Variants in CFAP65 observed in about 807,000 individuals in gnomAD.
CFAP65 encodes cilia and flagella associated protein 65.
Under a neutral mutation model 208.0 loss-of-function variants are expected in CFAP65, and 155 were observed. The ratio of observed to expected loss-of-function variants is 0.75; its 90% CI spans 0.65 to 0.85. The LOEUF (loss-of-function observed/expected upper bound fraction) is 0.85, where lower values mean the gene tolerates loss of function less well. Among genes scored for constraint, CFAP65 ranks in the 40% least tolerant of loss-of-function variants. CFAP65 has a pLI of 0.00. For missense variants in CFAP65, 2,294 were observed against 2,451.3 expected, an observed-to-expected ratio of 0.94 and a Z score of 1.36; for synonymous variants, 970 against 986.3, an observed-to-expected ratio of 0.98 and a Z score of 0.31.
chr2:219,026,203 C>A, intron 13 of CFAP65, 44 bp from the exon 14 acceptor site: 1 of 1,589,110 alleles, frequency 6.3e-7, no homozygotes, highest in South Asian at 1.1e-5. Flanking sequence ...AGTCCTGTGT[C>A]TGCCCTGTGG....
At chr2:219,008,998 G>T in intron 29 of CFAP65, 49 bp downstream of exon 29, 1 of 1,509,664 alleles carries the variant, frequency 6.6e-7, no homozygotes, top group Non-Finnish European at 9.2e-7. Context: ...CCTCTGGTAA[G>T]GCCAGTCAGA....
chr2:219,035,403 T>A (rs1948296299), intron 5 of CFAP65, 77 bp downstream of exon 5: 4 of 1,613,170 alleles, frequency 2.5e-6, no homozygotes, highest in African/African-American at 2.7e-5. Flanking sequence ...TTTTGTTTGT[T>A]TTGTTTTGTT....
chr2:219,038,946 T>C lies in CFAP65; in HGVS notation c.103A>G (p.Arg35Gly), dbSNP rs1456404289. The C allele has an allele frequency of 2.5e-6, 4 of 1,613,698 alleles. No individual in the cohort carries two copies. The African/African-American group carries it at 5.3e-5, about 22-fold the overall frequency. ...SSFPLIPLLL[R>G]GKSVQKKQAE... ...TGTTTCTTCTGAACACTCTTGCCTC[T>C]TAGGAGAAGAGGAATAAGGGGGAAA... The change falls in exon 3 of 35, where the codon AGA becomes GGA. Residue 35 changes from arginine to glycine, a missense_variant. Arg to Gly is a moderately radical substitution (Grantham distance 125). Transcript: ENST00000341552.
chr2:219,014,686 G>A (rs1475239689), intron 21 of CFAP65: 1 of 152,484 alleles, frequency 6.6e-6, no homozygotes, highest in Admixed American at 6.5e-5. Flanking sequence ...TGCAAACCGG[G>A]TGGAGGATAC....
At chr2:219,037,151 G>A (rs1405299552) in intron 4 of CFAP65, among the ~76,000 whole-genome samples, 1 of 152,146 alleles carries the variant, frequency 6.6e-6, no homozygotes, top group East Asian at 1.9e-4. Flanking sequence ...CAGCATTTTG[G>A]GAGGCTGAGG....
chr2:219,010,903 G>A lies in CFAP65; in HGVS notation c.4051C>T (p.Pro1351Ser). The A allele has an allele frequency of 6.2e-7, 1 of 1,613,876 alleles. No individual in the cohort carries two copies. The highest frequency in any genetic ancestry group is 8.5e-7 in the Non-Finnish European group (1 of 1,180,010). Residue 1351 changes from proline (P) to serine (S), a missense_variant, in exon 25 of 35, where the codon CCC becomes TCC. By Grantham distance (74) the Pro-to-Ser change is moderately conservative. Transcript: ENST00000341552. ...SQVQEKNFDH[P>S]IFCCLNPKGE... is the part of the protein sequence containing the mutation. ...TTGGGGTTGAGGCAGCAAAAGATGG[G>A]GTGATCAAAATTTTTTTCCTGAACC...
rs1948484082 is a variant in CFAP65, at chr2:219,038,359, C to T, written c.357+16G>A. The T allele has an allele frequency of 3.1e-6, 5 of 1,610,722 alleles. No homozygotes were observed. The African/African-American group carries it at 4.0e-5, about 13-fold the overall frequency. ...CCTGCCACACCCTGCTCTGCCTGCC[C>T]TGGCTGTATCCTTACCTGGGCGCTG... On this transcript the variant is annotated intron_variant, in intron 4 of 34. Transcript: ENST00000341552.
intron 30 of CFAP65, 41 bp from the exon 31 acceptor site, chr2:219,006,264 C>T: frequency 6.3e-7 from 1 of 1,575,772 alleles, no homozygotes; most frequent in African/African-American, 1.3e-5. Flanking sequence ...GGTTTGGGCA[C>T]CACATTCACA....
chr2:219,021,498 T>TGTGAGGTA (rs1947260270), intron 18 of CFAP65, among the ~76,000 whole-genome samples: 1 of 152,170 alleles, frequency 6.6e-6, no homozygotes, highest in Admixed American at 6.5e-5. Flanking sequence ...CTAGCAGCCC[T>TGTGAGGTA]GTGAGGTAGG....
In CFAP65 at chr2:219,027,802, C is replaced by A; in HGVS notation, c.2059G>T (p.Val687Phe). ...GGGCAGTCAGACCTTCGCGTCCAGA[C>A]CACCATGATCTTGCCCTTGGTGTGG... is the stretch of plus-strand genomic sequence containing the variant. Reference protein sequence around the residue: ...MNHTKGKIMVVWTRRSDCPFW... With the variant: ...MNHTKGKIMVFWTRRSDCPFW... The change falls in exon 13 of 35, where the codon GTC becomes TTC. Residue 687 changes from valine (V) to phenylalanine (F), a missense_variant. Around this residue, in one of 2 missense-constraint regions of CFAP65, gnomAD observed 867 missense variants for 1,012.6 expected, o/e 0.86. Transcript: ENST00000341552. The A allele has an allele frequency of 6.2e-7, 1 of 1,611,884 alleles. No homozygotes were observed. Among genetic ancestry groups the A allele is most frequent in the Non-Finnish European group, 8.5e-7 (1 of 1,178,408 alleles).
intron 2 of CFAP65, among the ~76,000 whole-genome samples, chr2:219,040,228 G>C (rs1037454945): frequency 6.6e-6 from 1 of 152,042 alleles, no homozygotes; most frequent in Non-Finnish European, 1.5e-5. Flanking sequence ...CCTTTTTCAA[G>C]TTTGTCGTTT....
chr2:219,013,597 C>G lies in CFAP65; in HGVS notation c.3780-12G>C. On this transcript the variant is annotated splice_polypyrimidine_tract_variant and intron_variant, in intron 22 of 34. Coordinates refer to ENST00000341552, the MANE Select transcript of CFAP65 (RefSeq NM_194302.4). The stretch of plus-strand genomic sequence containing the variant: ...CGATGAACAGGTGGCTAGAAAGAAA[C>G]AGATAAGTCTGGGAGTGAGTTCTGG... 1 of 1,592,778 alleles carries G rather than the reference C, an allele frequency of 6.3e-7. No individual in the cohort carries two copies. The highest frequency in any genetic ancestry group is 8.5e-7 in the Non-Finnish European group (1 of 1,171,094).
In CFAP65 at chr2:219,032,197, A is replaced by G. The variant is rs1466844345; in HGVS notation, c.645+273T>C. 6.6e-6 allele frequency among the ~76,000 whole-genome samples: 1 copy of G among 152,174 alleles called. No individual in the cohort carries two copies. The highest frequency in any genetic ancestry group is 1.5e-5 in the Non-Finnish European group (1 of 68,018). On this transcript the variant is annotated intron_variant, in intron 6 of 34. Coordinates refer to ENST00000341552, the MANE Select transcript of CFAP65 (RefSeq NM_194302.4). The surrounding 1 kb of genome is among the most constrained non-coding windows in gnomAD (Gnocchi z 5.5). ...CGGCCTCCCAAAGTGCTGAGATTCC[A>G]GAAGTCAGTCACCGTCCCCGGCCAC...
rs573150630 is a variant in CFAP65 at position 219,024,424 on chromosome 2, C to G, written c.2350-164G>C. Among the ~76,000 whole-genome samples, 7 of 134,618 alleles carry G rather than the reference C, an allele frequency of 5.2e-5. No homozygotes were observed. In the East Asian group the frequency reaches 1.5e-3, roughly 29 times the overall value. 88.3% of individuals were successfully genotyped at this position (134,618 alleles called of 152,430 possible). On this transcript the variant is annotated intron_variant, in intron 14 of 34. Transcript: ENST00000341552. ...GGGAACGGGGAATTGAAGGAGGCCA[C>G]GAGCTGACACCAAAGAATGCTTTTG...
At chr2:219,013,826 T>C (rs1400951663) in intron 22 of CFAP65, 42 bp downstream of exon 22, 17 of 1,534,838 alleles carry the variant, frequency 1.1e-5, no homozygotes, top group Non-Finnish European at 1.3e-5. Context: ...GGTAGGGGCC[T>C]CTATGACTGG....
chr2:219,022,658 C>T (rs1947345841), intron 16 of CFAP65, among the ~76,000 whole-genome samples: 1 of 152,206 alleles, frequency 6.6e-6, no homozygotes, highest in Non-Finnish European at 1.5e-5. Context: ...GGCTATGAGG[C>T]CTCTTGTCCC....
chr2:219,038,650 T>C, intron 3 of CFAP65, 72 bp from the exon 4 acceptor site: 1 of 1,390,586 alleles, frequency 7.2e-7, no homozygotes, highest in Non-Finnish European at 1.0e-6. Context: ...GAGACTCTCA[T>C]GGCCATCCTT....
intron 15 of CFAP65, 47 bp downstream of exon 15, chr2:219,023,968 T>C (rs1947442109): frequency 3.1e-6 from 5 of 1,590,010 alleles, no homozygotes; most frequent in East Asian, 2.2e-5. Flanking sequence ...TGGTTCAAGA[T>C]TATGGCCCAT....
rs570063255 is a variant in CFAP65, at chr2:219,029,871, G to C, written c.1384+115C>G. 7.7e-6 allele frequency: 9 copies of C among 1,168,782 alleles called. No homozygotes were observed. In the African/African-American group the frequency reaches 1.2e-4, roughly 16 times the overall value. The allele number at this position is 1,168,782 out of a possible 1,614,324, so 72.4% of individuals were successfully genotyped here. On this transcript the variant is annotated intron_variant, in intron 10 of 34. Transcript: ENST00000341552. ...CCCACAGGGCCACCAGGGGGCAGCA[G>C]ACACCCAGGCTGAGGCAAGGTGGCC...
Sources: allele counts gnomAD v4.1 joint callset (sites outside exome capture counted in the v4.1 genomes callset), GRCh38; gene constraint gnomAD v4.1.1; regional missense constraint gnomAD v4.1.1; non-coding constraint Gnocchi (gnomAD v3.1); transcripts MANE v1.5; gene names NCBI Gene and HGNC (gene_info 2026-07-23, HGNC 2026-07-21).